The following NKAIN3 variants were observed in gnomAD, a reference collection of about 807,000 sequenced individuals.
NKAIN3 encodes sodium/potassium transporting ATPase interacting 3, also known as sodium/potassium-transporting ATPase subunit beta-1-interacting protein 3.
A neutral mutation model predicts 30.2 loss-of-function variants in NKAIN3; 25 were observed. The observed-to-expected ratio is 0.83, with a 90% confidence interval of 0.60 to 1.16. The LOEUF is 1.16. NKAIN3 is among the 50% of genes most tolerant of loss of function. NKAIN3 has a pLI of 0.00. For synonymous variants in NKAIN3, 91 were observed against 89.6 expected (o/e 1.02, Z -0.09); for missense variants, 225 against 254.1 (o/e 0.89, Z 0.78).
At chr8:62,770,911 G>C (rs986106521) in intron 4 of NKAIN3, among the ~76,000 whole-genome samples, 1 of 151,812 alleles carries the variant, frequency 6.6e-6, no homozygotes, top group African/African-American at 2.4e-5. Flanking sequence ...GGGGGTGGAG[G>C]GAATGCAGAA....
At chr8:62,577,818 A>C (rs906025394) in intron 1 of NKAIN3, among the ~76,000 whole-genome samples, 5 of 151,550 alleles carry the variant, frequency 3.3e-5, no homozygotes, top group African/African-American at 1.2e-4. Context: ...GAATCATATC[A>C]CTCCATGATC....
chr8:62,523,637 G>A (rs998514527), intron 1 of NKAIN3, among the ~76,000 whole-genome samples: 5 of 152,098 alleles, frequency 3.3e-5, no homozygotes, highest in Admixed American at 1.3e-4. Flanking sequence ...GAAGGAAAAT[G>A]GTTAGGTCTA....
intron 1 of NKAIN3, among the ~76,000 whole-genome samples, chr8:62,501,662 C>G (rs1362041056): frequency 6.6e-6 from 1 of 152,176 alleles, no homozygotes. Context: ...CTTGACCAAA[C>G]AGCCTGCAAT....
rs142575320 is a variant in NKAIN3 at position 62,486,100 on chromosome 8, C to A, written c.55-93439C>A. On this transcript the variant is annotated intron_variant, in intron 1 of 6. Transcript: ENST00000623646. ...AACTGTGAGAGAGAATTAAATCAATCAAGACCACCAAAACAAAAAGAGAGA... is the reference window on the plus strand; with the variant it reads ...AACTGTGAGAGAGAATTAAATCAATAAAGACCACCAAAACAAAAAGAGAGA... Among the ~76,000 whole-genome samples, 759 of 152,198 alleles carry A rather than the reference C, an allele frequency of 5.0e-3. 5 individuals carry two copies. Among genetic ancestry groups the A allele is most frequent in the African/African-American group, 0.016 (681 of 41,526 alleles).
At chr8:62,863,640 C>T in intron 4 of NKAIN3, 1 of 1,253,320 alleles carries the variant, frequency 8.0e-7, no homozygotes, top group Non-Finnish European at 1.2e-6. Flanking sequence ...TTGTTTGGGT[C>T]ACTGGGATAA....
chr8:62,626,853 A>T (rs1811804066), intron 3 of NKAIN3, among the ~76,000 whole-genome samples: 1 of 152,170 alleles, frequency 6.6e-6, no homozygotes, highest in Admixed American at 6.6e-5. Context: ...CAGTAAGTCA[A>T]CCACTGTTGC....
At chr8:62,951,402 A>AATTTTT (rs1176154511) in intron 5 of NKAIN3, among the ~76,000 whole-genome samples, 1 of 152,230 alleles carries the variant, frequency 6.6e-6, no homozygotes, top group African/African-American at 2.4e-5. Flanking sequence ...AAATAATTTT[A>AATTTTT]ATTTTTTAAT....
At chr8:62,360,877 CCTT>C (rs1816538520) in intron 1 of NKAIN3, among the ~76,000 whole-genome samples, 1 of 152,082 alleles carries the variant, frequency 6.6e-6, no homozygotes, top group Admixed American at 6.6e-5. Context: ...TATGTAATGA[CCTT>C]CTTTGTCTTT....
intron 4 of NKAIN3, among the ~76,000 whole-genome samples, chr8:62,851,798 G>C (rs1343868335): frequency 6.6e-6 from 1 of 152,198 alleles, no homozygotes; most frequent in Non-Finnish European, 1.5e-5. Context: ...GCATCCCAAG[G>C]ATGAAGCCCA....
At chr8:62,564,519 G>A (rs187007269) in intron 1 of NKAIN3, among the ~76,000 whole-genome samples, 21 of 152,228 alleles carry the variant, frequency 1.4e-4, no homozygotes, top group Admixed American at 2.6e-4. Context: ...CTTTAACCAC[G>A]TGCATCTTGC....
chr8:62,582,578 T>C (rs547503966), intron 2 of NKAIN3, among the ~76,000 whole-genome samples: 2 of 151,262 alleles, frequency 1.3e-5, no homozygotes, highest in African/African-American at 4.9e-5. Context: ...TGAGAGTGAG[T>C]CCACAAGGGA....
chr8:62,702,536 A>T (rs1814372655), intron 3 of NKAIN3, among the ~76,000 whole-genome samples: 2 of 152,228 alleles, frequency 1.3e-5, no homozygotes, highest in Admixed American at 1.3e-4. Context: ...TCAAATTAAT[A>T]ATTATTGTAC....
At chr8:62,629,748 T>C (rs1811897276) in intron 3 of NKAIN3, among the ~76,000 whole-genome samples, 1 of 152,180 alleles carries the variant, frequency 6.6e-6, no homozygotes, top group Non-Finnish European at 1.5e-5. Context: ...CCAGGAATTT[T>C]GGGGTAACAT....
intron 4 of NKAIN3, among the ~76,000 whole-genome samples, chr8:62,839,452 T>C (rs1198785740): frequency 1.3e-5 from 2 of 152,146 alleles, no homozygotes; most frequent in South Asian, 2.1e-4. Flanking sequence ...GAAGCGGCAT[T>C]ATTTTAGCTT....
Position 62,976,387 on chromosome 8 carries a change from AT to A in NKAIN3, c.*10983del, listed in dbSNP as rs894681874. Among the ~76,000 whole-genome samples the A allele has an allele frequency of 6.6e-6, 1 of 152,096 alleles. No homozygotes were observed. The highest frequency in any genetic ancestry group is 2.4e-5 in the African/African-American group (1 of 41,424). ...GTGCTCCACTATTAGGTGCATACAT[AT>A]TTAGGATAGTTAGCTCTTCCTGTTG... On this transcript the variant is annotated 3_prime_UTR_variant, in exon 7 of 7. Transcript: ENST00000623646.
rs545280873 is a variant in NKAIN3, at chr8:62,258,434, C to T, written c.54+9307C>T. The stretch of plus-strand genomic sequence containing the variant: ...GGCTGAGGTGGGAGGATCCCTTGAG[C>T]CCAGGAGTTCCAGACCAGCCCTGGA... On this transcript the variant is annotated intron_variant, in intron 1 of 6. Transcript: ENST00000623646. Among the ~76,000 whole-genome samples the T allele has an allele frequency of 5.3e-5, 8 of 152,028 alleles. No homozygotes were observed. In the East Asian group the frequency reaches 1.5e-3, roughly 29 times the overall value.
At chr8:62,673,653 A>G (rs907234582) in intron 3 of NKAIN3, among the ~76,000 whole-genome samples, 2 of 152,206 alleles carry the variant, frequency 1.3e-5, no homozygotes, top group African/African-American at 4.8e-5. Flanking sequence ...ACACAAACCC[A>G]GATGGTAGTG....
rs2353365 is a variant in NKAIN3 at position 62,971,275 on chromosome 8, C to T, written c.*5868C>T. On this transcript the variant is annotated 3_prime_UTR_variant, in exon 7 of 7. Coordinates refer to ENST00000623646, the MANE Select transcript of NKAIN3 (RefSeq NM_001304533.3). ...CTCATTAGCCAAAACTTGGTCCACC[C>T]CCAACTTTGCAGTGAAGAAACCTGG... Among the ~76,000 whole-genome samples the T allele has an allele frequency of 0.036, 5,427 of 152,204 alleles. 334 individuals are homozygous for T. Among genetic ancestry groups the T allele is most frequent in the African/African-American group, 0.12 (5,131 of 41,498 alleles).
At chr8:62,394,520 T>G (rs1296962156) in intron 1 of NKAIN3, among the ~76,000 whole-genome samples, 5 of 118,054 alleles carry the variant, frequency 4.2e-5, no homozygotes, top group Non-Finnish European at 9.9e-5. Flanking sequence ...AATGTCAAAA[T>G]GCAAACCTGG....
Sources: allele counts gnomAD v4.1 joint callset (sites outside exome capture counted in the v4.1 genomes callset), GRCh38; gene constraint gnomAD v4.1.1; transcripts MANE v1.5; gene names NCBI Gene and HGNC (gene_info 2026-07-23, HGNC 2026-07-21).